Variants in CRCP observed in about 807,000 individuals in gnomAD.
CRCP encodes CGRP receptor component, also known as DNA-directed RNA polymerase III subunit RPC9.
In CRCP, 18 loss-of-function variants were observed where a neutral mutation model predicts 18.5. The observed-to-expected ratio is 0.97, with a 90% CI of 0.67 to 1.44. The LOEUF is 1.44. Ranked by LOEUF, CRCP falls within the 40% of genes most tolerant of loss-of-function variation. The probability of loss-of-function intolerance (pLI) is 0.00; values close to 1 mark genes in which losing one functional copy is unlikely to be tolerated. For missense variants in CRCP, 130 were observed against 176.4 expected (o/e 0.74, Z 1.49); for synonymous variants, 53 against 62.9 (o/e 0.84, Z 0.75).
At chr7:66,132,886 G>A (rs187950890) in intron 3 of CRCP, among the ~76,000 whole-genome samples, 5 of 152,038 alleles carry the variant, frequency 3.3e-5, no homozygotes, top group African/African-American at 1.2e-4. Flanking sequence ...ACTCCAGCCT[G>A]GGCGACAGAG....
chr7:66,148,266 G>A (rs1788357916), intron 5 of CRCP, among the ~76,000 whole-genome samples: 1 of 152,150 alleles, frequency 6.6e-6, no homozygotes, highest in Non-Finnish European at 1.5e-5. Flanking sequence ...GGAGGCTGAG[G>A]CAGGAGAATC....
chr7:66,125,499 C>T (rs1464196298), intron 1 of CRCP, among the ~76,000 whole-genome samples: 2 of 149,500 alleles, frequency 1.3e-5, no homozygotes, highest in African/African-American at 4.8e-5. Context: ...AATAAATCAG[C>T]TTCTGTCAGC....
In CRCP at chr7:66,124,283, C is replaced by T. The variant is rs1342987594; in HGVS notation, c.9-3421C>T. Among the ~76,000 whole-genome samples, 10 of 151,088 alleles carry T rather than the reference C, an allele frequency of 6.6e-5. 1 individual carries two copies. The highest frequency in any genetic ancestry group is 1.5e-4 in the Non-Finnish European group (10 of 67,770). Reference sequence around the variant, plus strand: ...GCTGAGGCAGGAGAATGGCATGAACCTGGGAGGCGGAGCTTGCAGCGAGCC... The same window carrying T: ...GCTGAGGCAGGAGAATGGCATGAACTTGGGAGGCGGAGCTTGCAGCGAGCC... On this transcript the variant is annotated intron_variant, in intron 1 of 5. Transcript: ENST00000395326.
rs535639270 is a variant in CRCP at position 66,129,260 on chromosome 7, G to C, written c.46-1484G>C. 1.3e-4 allele frequency among the ~76,000 whole-genome samples: 20 copies of C among 152,296 alleles called. 1 individual carries two copies. The South Asian group carries it at 2.5e-3, about 19-fold the overall frequency. On this transcript the variant is annotated intron_variant, in intron 2 of 5. Transcript: ENST00000395326. ...AGGCAGGAGAATGGCGTGAACCCGGGGGGTGGAGCCTGCAGTGAGCCAAGA... is the reference window on the plus strand; with the variant it reads ...AGGCAGGAGAATGGCGTGAACCCGGCGGGTGGAGCCTGCAGTGAGCCAAGA...
intron 1 of CRCP, among the ~76,000 whole-genome samples, chr7:66,115,374 G>GA (rs1362713283): frequency 6.6e-6 from 1 of 152,232 alleles, no homozygotes; most frequent in African/African-American, 2.4e-5. Flanking sequence ...AGACGAATCA[G>GA]GGCCGGGTAG....
intron 3 of CRCP, 43 bp downstream of exon 3, chr7:66,130,885 G>A: frequency 9.5e-7 from 1 of 1,048,236 alleles, no homozygotes; most frequent in Non-Finnish European, 1.5e-6. Context: ...GTACCATTGA[G>A]GGAGGGGGGT....
At chr7:66,118,193 C>G (rs1787330523) in intron 1 of CRCP, among the ~76,000 whole-genome samples, 1 of 152,038 alleles carries the variant, frequency 6.6e-6, no homozygotes, top group Admixed American at 6.6e-5. Flanking sequence ...CCAGACTGGT[C>G]TTGAATTCCT....
chr7:66,116,348 A>G (rs893441557), intron 1 of CRCP, among the ~76,000 whole-genome samples: 1 of 151,828 alleles, frequency 6.6e-6, no homozygotes, highest in Non-Finnish European at 1.5e-5. Flanking sequence ...TTAAGAAGTT[A>G]GCTGGGTGTG....
intron 5 of CRCP, chr7:66,150,790 G>A (rs887511304): frequency 6.6e-6 from 1 of 152,108 alleles, no homozygotes. Flanking sequence ...ATAGAATCTG[G>A]CCACCTTGAG....
intron 4 of CRCP, among the ~76,000 whole-genome samples, chr7:66,140,589 T>A (rs1475849612): frequency 1.3e-5 from 2 of 151,912 alleles, no homozygotes; most frequent in Admixed American, 6.6e-5. Context: ...ACGGGGTTTC[T>A]CCATGTTGGC....
chr7:66,115,234 C>G (rs2115827002), intron 1 of CRCP, among the ~76,000 whole-genome samples: 1 of 152,326 alleles, frequency 6.6e-6, no homozygotes, highest in African/African-American at 2.4e-5. Flanking sequence ...AATGTGCCCC[C>G]TCCTTCTCTC....
rs973455820 is a variant in CRCP at position 66,116,172 on chromosome 7, C to T, written c.8+1202C>T. Among the ~76,000 whole-genome samples, 17 of 152,182 alleles carry T rather than the reference C, an allele frequency of 1.1e-4. No individual in the cohort carries two copies. In the East Asian group the frequency reaches 1.4e-3, roughly 12 times the overall value. Reference sequence around the variant, plus strand: ...AGGCTCATGAAACAATAATGTGTGGCGTACACTCTCATATTGTCTATTTTT... The same window carrying T: ...AGGCTCATGAAACAATAATGTGTGGTGTACACTCTCATATTGTCTATTTTT... On this transcript the variant is annotated intron_variant, in intron 1 of 5. Transcript: ENST00000395326.
At chr7:66,145,185 C>T (rs1196843451) in intron 4 of CRCP, among the ~76,000 whole-genome samples, 1 of 152,072 alleles carries the variant, frequency 6.6e-6, no homozygotes, top group Non-Finnish European at 1.5e-5. Flanking sequence ...AAAATGACCC[C>T]CCTGTTTTTA....
At chr7:66,136,954 G>A (rs13240492) in intron 4 of CRCP, among the ~76,000 whole-genome samples, 91,796 of 151,076 alleles carry the variant, frequency 0.61, 28,511 homozygotes, top group African/African-American at 0.73. Context: ...TGACGGGGGC[G>A]CCTGTAGTCC....
At chr7:66,122,330 G>A (rs1248607325) in intron 1 of CRCP, among the ~76,000 whole-genome samples, 2 of 144,184 alleles carry the variant, frequency 1.4e-5, no homozygotes, top group African/African-American at 5.1e-5. Context: ...AGCTGAGATC[G>A]CGCCACTGCA....
At position 66,151,233 on chromosome 7, in the gene CRCP, C is replaced by T. The variant is rs561946447; in HGVS notation, c.298-975C>T. ...GAAGAAGGCTCCAAACCATTTGGCA[C>T]ATAGTGGGCATCATCAACCGTGTTG... On this transcript the variant is annotated intron_variant, in intron 5 of 5. Coordinates refer to ENST00000395326, the MANE Select transcript of CRCP (RefSeq NM_014478.5). Among the ~76,000 whole-genome samples, 26 of 152,246 alleles carry T rather than the reference C, an allele frequency of 1.7e-4. 1 individual carries two copies. The South Asian group carries it at 5.4e-3, about 32-fold the overall frequency.
chr7:66,144,210 A>G (rs1254034297), intron 4 of CRCP, among the ~76,000 whole-genome samples: 2 of 152,160 alleles, frequency 1.3e-5, no homozygotes, highest in African/African-American at 4.8e-5. Context: ...CCTTTCAGCA[A>G]TGATCTGTTT....
chr7:66,126,764 A>G (rs1584069481), intron 1 of CRCP: 1 of 329,016 alleles, frequency 3.0e-6, no homozygotes, highest in East Asian at 8.9e-5. Flanking sequence ...AGTAGTAGTG[A>G]TAATGTTGGT....
intron 1 of CRCP, among the ~76,000 whole-genome samples, chr7:66,123,324 C>T (rs1412188999): frequency 3.3e-5 from 5 of 152,144 alleles, no homozygotes; most frequent in African/African-American, 7.2e-5. Context: ...TTCTAGAAGT[C>T]TGATTGCATG....
Sources: allele counts gnomAD v4.1 joint callset (sites outside exome capture counted in the v4.1 genomes callset), GRCh38; gene constraint gnomAD v4.1.1; transcripts MANE v1.5; gene names NCBI Gene and HGNC (gene_info 2026-07-23, HGNC 2026-07-21).